SP140: variants seen among roughly 807,000 people sequenced by gnomAD.
SP140 encodes the protein nuclear body protein SP140.
SP140 carries 81 observed loss-of-function variants against 125.0 expected under a neutral mutation model. The ratio of observed to expected loss-of-function variants is 0.65; its 90% CI spans 0.54 to 0.78. The LOEUF is 0.78. Ranked by LOEUF, SP140 falls within the 30% of genes least tolerant of loss-of-function variation. The probability of loss-of-function intolerance (pLI) is 0.00; values close to 1 mark genes in which losing one functional copy is unlikely to be tolerated. For synonymous variants in SP140, 312 were observed against 354.0 expected (o/e 0.88, Z 1.33); for missense variants, 858 against 1,037.0 (o/e 0.83, Z 2.37).
upstream of SP140, chr2:230,221,722 C>A (rs1559191259): frequency 6.5e-7 from 1 of 1,535,984 alleles, no homozygotes; most frequent in East Asian, 2.4e-5. Context: ...CCCTCCCCAT[C>A]ACCTGGAAAG....
In SP140 at chr2:230,255,457, A is replaced by T. The variant is rs1193604252; in HGVS notation, c.1165A>T (p.Ser389Cys). 3 of 1,613,734 alleles carry T rather than the reference A, an allele frequency of 1.9e-6. No individual in the cohort carries two copies. The change falls in exon 12 of 27, where the codon AGT (serine) becomes TGT (cysteine). Residue 389 changes from serine (S) to cysteine (C), a missense_variant. By Grantham distance (112) the Ser-to-Cys change is moderately radical. Coordinates refer to ENST00000392045, the MANE Select transcript of SP140 (RefSeq NM_007237.5). ...GATTTCCTTCCTTTCTGCAGAGGGC[A>T]GTGATGACTGTTCGGAAATGTGTGA... Reference protein sequence around the residue: ...SLLPGEGEEGSDDCSEMCDGE... With the variant: ...SLLPGEGEEGCDDCSEMCDGE...
At chr2:230,248,383 A>G (rs974540973) in intron 8 of SP140, among the ~76,000 whole-genome samples, 8 of 152,168 alleles carry the variant, frequency 5.3e-5, no homozygotes, top group Non-Finnish European at 1.2e-4. Context: ...GTTCAGGGCC[A>G]GGTCACAGGG....
At chr2:230,268,532 A>G (rs1290222550) in intron 12 of SP140, among the ~76,000 whole-genome samples, 1 of 152,110 alleles carries the variant, frequency 6.6e-6, no homozygotes, top group Non-Finnish European at 1.5e-5. Context: ...TCTAAAAAAA[A>G]AAAAAAAGAC....
intron 12 of SP140, among the ~76,000 whole-genome samples, chr2:230,262,871 G>A (rs1004221874): frequency 6.6e-6 from 1 of 151,982 alleles, no homozygotes; most frequent in Admixed American, 6.6e-5. Flanking sequence ...TCGTTTTATG[G>A]CCTATCATAT....
rs569361680 is a variant in SP140, at chr2:230,242,544, C to T, written c.490+1057C>T. ...ATTCATGGACCTGAGGACCTTTACT[C>T]AAGGGTCAGATAGACATCTACACTT... On this transcript the variant is annotated intron_variant, in intron 4 of 26. Transcript: ENST00000392045. Among the ~76,000 whole-genome samples, 9 of 150,638 alleles carry T rather than the reference C, an allele frequency of 6.0e-5. No individual in the cohort carries two copies. The South Asian group carries it at 1.7e-3, about 28-fold the overall frequency.
At chr2:230,283,204 G>C (rs2055865008) in intron 15 of SP140, among the ~76,000 whole-genome samples, 1 of 152,122 alleles carries the variant, frequency 6.6e-6, no homozygotes, top group South Asian at 2.1e-4. Flanking sequence ...AGCATCCTTG[G>C]GTTCTTCTGA....
At chr2:230,295,474 C>T (rs1462688009) in intron 21 of SP140, among the ~76,000 whole-genome samples, 1 of 152,190 alleles carries the variant, frequency 6.6e-6, no homozygotes, top group African/African-American at 2.4e-5. Context: ...GTCTGGATGA[C>T]CCAAATGAGC....
intron 22 of SP140, among the ~76,000 whole-genome samples, chr2:230,304,328 CA>C (rs1251344989): frequency 6.6e-6 from 1 of 152,094 alleles, no homozygotes; most frequent in Non-Finnish European, 1.5e-5. Flanking sequence ...ATCATATGGC[CA>C]ATAGCAATCT....
At chr2:230,233,068 G>A (rs1315059177) in intron 1 of SP140, among the ~76,000 whole-genome samples, 1 of 151,896 alleles carries the variant, frequency 6.6e-6, no homozygotes, top group Non-Finnish European at 1.5e-5. Context: ...TAAATATCTT[G>A]TTGCTTATGG....
chr2:230,257,509 G>C (rs931494872), intron 12 of SP140, among the ~76,000 whole-genome samples: 4 of 152,208 alleles, frequency 2.6e-5, no homozygotes, highest in African/African-American at 9.6e-5. Flanking sequence ...GGTCACCCCT[G>C]TAATCCCAGC....
At chr2:230,192,411 C>T in the SP140 span, among the ~76,000 whole-genome samples, 4 of 151,006 alleles carry the variant, frequency 2.6e-5, no homozygotes, top group East Asian at 2.0e-4. Flanking sequence ...AAAAACTTCT[C>T]GAACTGATAA....
intron 23 of SP140, chr2:230,310,410 C>G (rs1178924469): frequency 2.0e-6 from 1 of 512,558 alleles, no homozygotes; most frequent in Non-Finnish European, 3.5e-6. Flanking sequence ...CTGTTGGAGG[C>G]CCGAGGTCCC....
At chr2:230,200,940 C>A, upstream of SP140, 1 of 1,613,838 alleles carries the variant, frequency 6.2e-7, no homozygotes, top group Non-Finnish European at 8.5e-7. Context: ...TTCCTTCATT[C>A]ATTTCTGAAG....
chr2:230,225,761 G>A lies in SP140; in HGVS notation c.-84G>A, dbSNP rs1281658521. 4 of 1,131,306 alleles carry A rather than the reference G, an allele frequency of 3.5e-6. No individual in the cohort carries two copies. Among genetic ancestry groups the A allele is most frequent in the Non-Finnish European group, 2.7e-6 (2 of 739,702 alleles). 70.1% of individuals were successfully genotyped at this position (1,131,306 alleles called of 1,614,324 possible). On this transcript the variant is annotated 5_prime_UTR_variant, in exon 1 of 27. Coordinates refer to ENST00000392045, the MANE Select transcript of SP140 (RefSeq NM_007237.5). ...CTTTTCCTCTTTGACTGAGCACCGA[G>A]GGGCAGTTGGCAGCTTCACCTCAGA...
intron 1 of SP140, among the ~76,000 whole-genome samples, chr2:230,231,253 G>A (rs1348442089): frequency 1.3e-5 from 2 of 152,042 alleles, no homozygotes; most frequent in Non-Finnish European, 2.9e-5. Flanking sequence ...TCATATCTGA[G>A]TCTGGTTTTG....
the SP140 span, among the ~76,000 whole-genome samples, chr2:230,195,688 A>T: frequency 2.0e-5 from 3 of 152,136 alleles, no homozygotes; most frequent in Non-Finnish European, 4.4e-5. Context: ...TAAACCATGG[A>T]TATTAAAAGG....
chr2:230,298,638 G>A (rs1056367265), intron 22 of SP140, among the ~76,000 whole-genome samples: 3 of 152,140 alleles, frequency 2.0e-5, no homozygotes, highest in Non-Finnish European at 4.4e-5. Flanking sequence ...TTTTTCCAAG[G>A]CCAGTAACAA....
At chr2:230,289,485 A>C (rs557588671) in intron 18 of SP140, among the ~76,000 whole-genome samples, 49 of 152,288 alleles carry the variant, frequency 3.2e-4, no homozygotes, top group Admixed American at 7.8e-4. Flanking sequence ...TCTCAGGACC[A>C]AGGACAGCTC....
chr2:230,204,540 T>C (rs1045377921), intron 1 of SP140, among the ~76,000 whole-genome samples: 1 of 152,166 alleles, frequency 6.6e-6, no homozygotes, highest in South Asian at 2.1e-4. Flanking sequence ...CAATAATGAA[T>C]TCATAAACTA....
Sources: allele counts gnomAD v4.1 joint callset (sites outside exome capture counted in the v4.1 genomes callset), GRCh38; gene constraint gnomAD v4.1.1; transcripts MANE v1.5; gene names NCBI Gene and HGNC (gene_info 2026-07-23, HGNC 2026-07-21).